Variants in AUTS2 observed in about 807,000 individuals in gnomAD.
AUTS2 encodes the protein activator of transcription and developmental regulator AUTS2, also known as autism susceptibility gene 2 protein.
Under a neutral mutation model 112.4 loss-of-function variants are expected in AUTS2, and 17 were observed. The observed-to-expected ratio is 0.15, with a 90% confidence interval of 0.10 to 0.23. The LOEUF is 0.23. AUTS2 is among the 10% of genes least tolerant of loss of function. AUTS2 has a pLI of 1.00. For missense variants in AUTS2, 1,510 were observed against 1,701.6 expected (o/e 0.89, Z 1.98); for synonymous variants, 751 against 702.7 (o/e 1.07, Z -1.09).
chr7:70,504,832 A>G (rs924116836), intron 5 of AUTS2, among the ~76,000 whole-genome samples: 72 of 152,284 alleles, frequency 4.7e-4, no homozygotes, highest in African/African-American at 1.6e-3. Context: ...ATTAATTTTC[A>G]TTGTCATCAA....
At chr7:69,984,318 A>G (rs1798416421) in intron 2 of AUTS2, among the ~76,000 whole-genome samples, 1 of 151,244 alleles carries the variant, frequency 6.6e-6, no homozygotes, top group Non-Finnish European at 1.5e-5. Flanking sequence ...GAGGCAGGAG[A>G]ATGGCGTGAA....
chr7:70,244,642 T>C (rs911220827), intron 4 of AUTS2, among the ~76,000 whole-genome samples: 1 of 152,210 alleles, frequency 6.6e-6, no homozygotes, highest in Non-Finnish European at 1.5e-5. Context: ...ATGTTGGCAC[T>C]ACTGGATACA....
At chr7:70,765,098 A>G in intron 8 of AUTS2, 93 bp downstream of exon 8, 1 of 1,493,342 alleles carries the variant, frequency 6.7e-7, no homozygotes, top group South Asian at 1.3e-5. Context: ...GCAAGGTTGC[A>G]TTTGCCTACA....
At chr7:69,779,940 G>T (rs1453122685) in intron 1 of AUTS2, among the ~76,000 whole-genome samples, 1 of 151,980 alleles carries the variant, frequency 6.6e-6, no homozygotes, top group Non-Finnish European at 1.5e-5. Context: ...ACTGCAGCCT[G>T]GACCTCCTGG....
intron 1 of AUTS2, among the ~76,000 whole-genome samples, chr7:69,810,788 G>A (rs1008217629): frequency 2.6e-5 from 4 of 152,104 alleles, no homozygotes; most frequent in Non-Finnish European, 5.9e-5. Flanking sequence ...ACTGCTTTGC[G>A]CCTTTATTAG....
intron 1 of AUTS2, among the ~76,000 whole-genome samples, chr7:69,668,437 G>A (rs894029790): frequency 2.0e-5 from 3 of 152,144 alleles, no homozygotes; most frequent in African/African-American, 7.2e-5. Flanking sequence ...ATCAAAACAG[G>A]CCCACATTAC....
intron 5 of AUTS2, among the ~76,000 whole-genome samples, chr7:70,537,666 G>T (rs1027061520): frequency 2.0e-5 from 3 of 152,148 alleles, no homozygotes; most frequent in Non-Finnish European, 2.9e-5. Context: ...AGTAGCGTGT[G>T]GTGTGGGAAG....
intron 2 of AUTS2, among the ~76,000 whole-genome samples, chr7:69,968,033 G>A (rs1038339680): frequency 7.2e-5 from 11 of 152,220 alleles, no homozygotes; most frequent in African/African-American, 2.7e-4. Context: ...TGTTCCGGAG[G>A]CATGATTTAG....
chr7:70,463,693 C>T (rs1373927360), intron 5 of AUTS2, among the ~76,000 whole-genome samples: 1 of 152,206 alleles, frequency 6.6e-6, no homozygotes, highest in African/African-American at 2.4e-5. Context: ...GTAGATTGAG[C>T]ATGGCCTTGC....
intron 5 of AUTS2, among the ~76,000 whole-genome samples, chr7:70,600,696 T>C (rs62455837): frequency 0.042 from 6,377 of 152,326 alleles, 135 homozygotes; most frequent in South Asian, 0.075. Context: ...AATCACTCTC[T>C]GCACCCCCTC....
chr7:70,716,636 CAAAAAAAAAAAAAAAAAAAA>C (rs34972760), intron 6 of AUTS2, among the ~76,000 whole-genome samples: 2 of 64,950 alleles, frequency 3.1e-5, no homozygotes, highest in African/African-American at 6.6e-5. Context: ...GACTCCGTCT[CAAAAAAAAAAAAAAAAAAAA>C]AAAAAAAAAG....
rs1031147918 is a variant in AUTS2, at chr7:70,028,120, ACTCT to A, written c.523-90005_523-90002del. On this transcript the variant is annotated intron_variant, in intron 2 of 18. Coordinates refer to ENST00000342771, the MANE Select transcript of AUTS2 (RefSeq NM_015570.4). ...CGTGCATACTTTTGCATGCTCTCTGACTCTCTCTCTTCTTCCCTCTCCTTCCTGC... is the reference window on the plus strand; with the variant it reads ...CGTGCATACTTTTGCATGCTCTCTGACTCTCTTCTTCCCTCTCCTTCCTGC... Among the ~76,000 whole-genome samples, 5 of 142,432 alleles carry A rather than the reference ACTCT, an allele frequency of 3.5e-5. No homozygotes were observed. In the East Asian group the frequency reaches 6.4e-4, roughly 18 times the overall value. 93.4% of individuals were successfully genotyped at this position (142,432 alleles called of 152,430 possible).
At chr7:70,413,353 A>G (rs1794855180) in intron 4 of AUTS2, among the ~76,000 whole-genome samples, 1 of 152,184 alleles carries the variant, frequency 6.6e-6, no homozygotes. Flanking sequence ...ATGATTGCTG[A>G]AGGGGTCTAC....
chr7:70,718,001 G>T (rs781107535), intron 6 of AUTS2, among the ~76,000 whole-genome samples: 6 of 152,110 alleles, frequency 3.9e-5, no homozygotes, highest in Admixed American at 6.5e-5. Context: ...TGACTTGTGT[G>T]CATTTGTACA....
intron 1 of AUTS2, among the ~76,000 whole-genome samples, chr7:69,878,784 G>T (rs1793913997): frequency 6.6e-6 from 1 of 152,214 alleles, no homozygotes; most frequent in African/African-American, 2.4e-5. Flanking sequence ...TACCCTGAGT[G>T]TGTGTCTTAG....
At chr7:69,779,183 CTGTT>C (rs1412551626) in intron 1 of AUTS2, among the ~76,000 whole-genome samples, 1 of 151,542 alleles carries the variant, frequency 6.6e-6, no homozygotes, top group Admixed American at 6.6e-5. Context: ...GCCACCGTGC[CTGTT>C]TGTTAGTATG....
At position 69,724,586 on chromosome 7, in the gene AUTS2, A is replaced by G. The variant is rs544255686; in HGVS notation, c.309+124624A>G. On this transcript the variant is annotated intron_variant, in intron 1 of 18. Transcript: ENST00000342771. Reference sequence around the variant, plus strand: ...AAAATTACTGTAGCATCAGGATTCAAGGTTACAGAATTGGTTAACTTTCTG... The same window carrying G: ...AAAATTACTGTAGCATCAGGATTCAGGGTTACAGAATTGGTTAACTTTCTG... 3.5e-4 allele frequency among the ~76,000 whole-genome samples: 53 copies of G among 152,346 alleles called. No homozygotes were observed. In the South Asian group the frequency reaches 5.6e-3, roughly 16 times the overall value.
At chr7:70,408,993 G>T (rs760354071) in intron 4 of AUTS2, among the ~76,000 whole-genome samples, 1 of 152,148 alleles carries the variant, frequency 6.6e-6, no homozygotes, top group Admixed American at 6.5e-5. Context: ...ATCTATCCAG[G>T]TTGGTTCTGA....
chr7:69,864,868 A>G (rs1793148571), intron 1 of AUTS2, among the ~76,000 whole-genome samples: 1 of 152,174 alleles, frequency 6.6e-6, no homozygotes, highest in Non-Finnish European at 1.5e-5. Context: ...CAAGGCAACT[A>G]GTGAATTAAA....
Sources: gnomAD v4.1 joint callset for allele counts (sites outside exome capture counted in the v4.1 genomes callset) on GRCh38, gnomAD v4.1.1 for gene constraint, MANE v1.5 for transcripts, NCBI Gene and HGNC (gene_info 2026-07-23, HGNC 2026-07-21) for gene names.